Variants in GLIS3 observed in about 807,000 individuals in gnomAD.
GLIS3 encodes GLIS family zinc finger 3.
In GLIS3, 53 loss-of-function variants were observed where a neutral mutation model predicts 78.6. The ratio of observed to expected loss-of-function variants is 0.67; its 90% CI spans 0.54 to 0.85. The LOEUF is 0.85. Ranked by LOEUF, GLIS3 falls within the 40% of genes least tolerant of loss-of-function variation. GLIS3 has a pLI of 0.00. For synonymous variants in GLIS3, 684 were observed against 509.9 expected (o/e 1.34, Z -4.60); for missense variants, 1,703 against 1,231.1 (o/e 1.38, Z -5.74).
chr9:3,937,950 A>G (rs140406255), intron 4 of GLIS3, among the ~76,000 whole-genome samples: 5 of 152,350 alleles, frequency 3.3e-5, no homozygotes, highest in African/African-American at 1.2e-4. Flanking sequence ...TAAGATTTCA[A>G]TAAATGTGTC....
the GLIS3 span, among the ~76,000 whole-genome samples, chr9:4,446,425 C>A: frequency 2.6e-5 from 4 of 151,538 alleles, no homozygotes; most frequent in Admixed American, 1.3e-4. Context: ...AAATAAATTT[C>A]TATTATCTAT....
the GLIS3 span, among the ~76,000 whole-genome samples, chr9:4,453,996 T>C: frequency 3.3e-5 from 5 of 151,088 alleles, no homozygotes; most frequent in African/African-American, 9.8e-5. Flanking sequence ...TAAAGTATAA[T>C]AAAAATAAAA....
chr9:4,344,421 T>C (rs1406274514), intron 2 of GLIS3, among the ~76,000 whole-genome samples: 2 of 152,232 alleles, frequency 1.3e-5, no homozygotes, highest in African/African-American at 4.8e-5. Flanking sequence ...TATTCTCTAC[T>C]TGGCCTCCTG....
At chr9:4,102,563 G>A (rs965093191) in intron 4 of GLIS3, among the ~76,000 whole-genome samples, 4 of 152,080 alleles carry the variant, frequency 2.6e-5, no homozygotes, top group Admixed American at 6.6e-5. Flanking sequence ...TTAGAGGCCC[G>A]GGATGCAGCT....
At chr9:4,370,354 T>C in the GLIS3 span, among the ~76,000 whole-genome samples, 3 of 152,186 alleles carry the variant, frequency 2.0e-5, no homozygotes, top group East Asian at 3.8e-4. Flanking sequence ...CTGCTCCTCC[T>C]ACCCTTCCCT....
chr9:4,132,968 G>C (rs1272666486), intron 2 of GLIS3, among the ~76,000 whole-genome samples: 2 of 152,130 alleles, frequency 1.3e-5, no homozygotes, highest in Admixed American at 1.3e-4. Context: ...AGGTTGTTCT[G>C]AGGATTAAAA....
intron 2 of GLIS3, among the ~76,000 whole-genome samples, chr9:4,187,667 T>A (rs1002519688): frequency 2.6e-5 from 4 of 152,208 alleles, no homozygotes; most frequent in Admixed American, 2.6e-4. Flanking sequence ...CCTCTTTTAT[T>A]TCACTGAGCA....
intron 4 of GLIS3, among the ~76,000 whole-genome samples, chr9:3,938,156 G>C (rs1825997972): frequency 6.6e-6 from 1 of 152,134 alleles, no homozygotes; most frequent in African/African-American, 2.4e-5. Flanking sequence ...TCTCTCTTTG[G>C]TGCTAACCCC....
chr9:4,075,525 G>A (rs924750158), intron 4 of GLIS3, among the ~76,000 whole-genome samples: 3 of 152,088 alleles, frequency 2.0e-5, no homozygotes, highest in Non-Finnish European at 2.9e-5. Flanking sequence ...GCTGTGAGCC[G>A]AGATCGTGCC....
the GLIS3 span, among the ~76,000 whole-genome samples, chr9:4,379,302 C>A: frequency 6.6e-6 from 1 of 152,150 alleles, no homozygotes; most frequent in African/African-American, 2.4e-5. Context: ...TGGTGCCTTC[C>A]CTACTGAGGT....
chr9:4,101,664 T>C (rs1049244889), intron 4 of GLIS3, among the ~76,000 whole-genome samples: 1 of 152,220 alleles, frequency 6.6e-6, no homozygotes, highest in African/African-American at 2.4e-5. Flanking sequence ...AAGCTGTTTG[T>C]TTTTAAACTG....
intron 2 of GLIS3, among the ~76,000 whole-genome samples, chr9:4,182,127 T>C (rs1817382493): frequency 1.3e-5 from 2 of 152,246 alleles, no homozygotes; most frequent in South Asian, 2.1e-4. Context: ...AAATGGTTCC[T>C]ATAAGGACCG....
At chr9:3,890,095 A>G (rs1822333161) in intron 7 of GLIS3, among the ~76,000 whole-genome samples, 5 of 152,202 alleles carry the variant, frequency 3.3e-5, no homozygotes, top group Non-Finnish European at 5.9e-5. Flanking sequence ...CATCCCAGCA[A>G]TACCAAAACA....
intron 2 of GLIS3, among the ~76,000 whole-genome samples, chr9:4,279,731 C>T (rs1473915402): frequency 6.6e-6 from 1 of 152,010 alleles, no homozygotes; most frequent in South Asian, 2.1e-4. Flanking sequence ...TTCTCCACTG[C>T]CACATCATTA....
At chr9:4,445,897 A>C in the GLIS3 span, among the ~76,000 whole-genome samples, 1 of 152,264 alleles carries the variant, frequency 6.6e-6, no homozygotes, top group Non-Finnish European at 1.5e-5. Flanking sequence ...GCCATCCAAG[A>C]GGACAGATAG....
At position 4,187,232 on chromosome 9, in the gene GLIS3, A is replaced by C. The variant is rs551642731; in HGVS notation, c.389-61291T>G. 2.0e-4 allele frequency among the ~76,000 whole-genome samples: 30 copies of C among 152,216 alleles called. 1 individual carries two copies. In the East Asian group the frequency reaches 5.6e-3, roughly 28 times the overall value. On this transcript the variant is annotated intron_variant, in intron 2 of 10. Coordinates refer to ENST00000381971, the MANE Select transcript of GLIS3 (RefSeq NM_001042413.2). ...TACATATGGCTGGCCAGTTTTCCCA[A>C]AACCATTTATTAAATAGGGAATCCT...
chr9:4,025,181 G>C (rs1408840458), intron 4 of GLIS3, among the ~76,000 whole-genome samples: 1 of 151,978 alleles, frequency 6.6e-6, no homozygotes, highest in African/African-American at 2.4e-5. Context: ...GAATCCAGGA[G>C]GCAGACGTTG....
chr9:4,391,005 C>G, the GLIS3 span, among the ~76,000 whole-genome samples: 1 of 152,220 alleles, frequency 6.6e-6, no homozygotes, highest in Admixed American at 6.5e-5. Flanking sequence ...CTGCCTATTT[C>G]TCTGTCTACT....
intron 2 of GLIS3, among the ~76,000 whole-genome samples, chr9:4,179,766 C>A (rs10974368): frequency 3.3e-4 from 50 of 151,910 alleles, no homozygotes; most frequent in African/African-American, 1.1e-3. Context: ...AAAAATTAGC[C>A]GGGTTTGGTG....
Sources: allele counts gnomAD v4.1 joint callset (sites outside exome capture counted in the v4.1 genomes callset), GRCh38; gene constraint gnomAD v4.1.1; transcripts MANE v1.5; gene names NCBI Gene and HGNC (gene_info 2026-07-23, HGNC 2026-07-21).